KCNH8: variants seen among roughly 807,000 people sequenced by gnomAD.
KCNH8 encodes the protein voltage-gated delayed rectifier potassium channel KCNH8.
A neutral mutation model predicts 103.6 loss-of-function variants in KCNH8; 70 were observed. The observed-to-expected ratio is 0.68, with a 90% CI of 0.56 to 0.82. The LOEUF is 0.82. Among genes scored for constraint, KCNH8 ranks in the 40% least tolerant of loss-of-function variants. The probability of loss-of-function intolerance (pLI) is 0.00; values close to 1 mark genes in which losing one functional copy is unlikely to be tolerated. For synonymous variants in KCNH8, 498 were observed against 489.4 expected (o/e 1.02, Z -0.23); for missense variants, 1,217 against 1,329.9 (o/e 0.92, Z 1.32).
intron 7 of KCNH8, among the ~76,000 whole-genome samples, chr3:19,410,063 A>AATAT (rs2066753818): frequency 6.6e-6 from 1 of 152,186 alleles, no homozygotes; most frequent in South Asian, 2.1e-4. Flanking sequence ...TCAACTATAG[A>AATAT]ATATATGCTC....
Position 19,515,361 on chromosome 3 carries a change from A to G in KCNH8, c.2475A>G (p.Glu825=). 6.3e-7 allele frequency: 1 copy of G among 1,586,880 alleles called. No homozygotes were observed. Among genetic ancestry groups the G allele is most frequent in the Non-Finnish European group, 8.6e-7 (1 of 1,166,714 alleles). The change falls in exon 14 of 16, where the codon GAA becomes GAG. Residue 825 remains glutamate (E), a synonymous_variant. Transcript: ENST00000328405. ...DGIEDGNSSE[E]SQTFDFGSER... ...TTGAAGATGGAAACAGCAGTGAAGA[A>G]AGTCAGACTTTTGATTTTGGCTCTG... is the stretch of plus-strand genomic sequence containing the variant.
At chr3:19,381,564 T>G (rs2066288512) in intron 5 of KCNH8, among the ~76,000 whole-genome samples, 1 of 150,826 alleles carries the variant, frequency 6.6e-6, no homozygotes, top group Non-Finnish European at 1.5e-5. Context: ...GTGGGGGAGA[T>G]TTTCCTTAGA....
At chr3:19,383,388 T>C (rs571770607) in intron 5 of KCNH8, among the ~76,000 whole-genome samples, 1 of 152,250 alleles carries the variant, frequency 6.6e-6, no homozygotes, top group South Asian at 2.1e-4. Context: ...TAATTTTTTT[T>C]TTTTTGAGAC....
chr3:19,259,304 G>T (rs1263456553), intron 2 of KCNH8, among the ~76,000 whole-genome samples: 3 of 151,510 alleles, frequency 2.0e-5, no homozygotes, highest in Non-Finnish European at 4.4e-5. Flanking sequence ...ACTTCAAATA[G>T]AAGGCAAACA....
intron 11 of KCNH8, among the ~76,000 whole-genome samples, chr3:19,498,805 G>T (rs1257137008): frequency 6.6e-6 from 1 of 152,096 alleles, no homozygotes; most frequent in Non-Finnish European, 1.5e-5. Context: ...TAACAGACAG[G>T]ACCCTCAGCT....
intron 1 of KCNH8, among the ~76,000 whole-genome samples, chr3:19,232,024 C>T (rs1224600149): frequency 6.6e-6 from 1 of 152,158 alleles, no homozygotes; most frequent in African/African-American, 2.4e-5. Flanking sequence ...TGCTGAATTG[C>T]TTTCACAATC....
intron 7 of KCNH8, among the ~76,000 whole-genome samples, chr3:19,403,251 G>A (rs1000514366): frequency 1.3e-5 from 2 of 150,192 alleles, no homozygotes; most frequent in Admixed American, 6.7e-5. Flanking sequence ...CCTTTTATAC[G>A]ATAATTAACT....
intron 5 of KCNH8, among the ~76,000 whole-genome samples, chr3:19,367,508 C>G (rs1228836033): frequency 6.8e-6 from 1 of 147,252 alleles, no homozygotes; most frequent in Non-Finnish European, 1.5e-5. Flanking sequence ...TCTCAGAGAA[C>G]ATGGACCAGG....
chr3:19,391,962 A>G (rs7629231), intron 6 of KCNH8, among the ~76,000 whole-genome samples: 91,589 of 151,730 alleles, frequency 0.6, 28,112 homozygotes, highest in African/African-American at 0.7. Flanking sequence ...ATTGTTTTAA[A>G]TTGTTCATTA....
chr3:19,277,280 G>A (rs1478572228), intron 2 of KCNH8, among the ~76,000 whole-genome samples: 2 of 152,050 alleles, frequency 1.3e-5, no homozygotes, highest in Non-Finnish European at 2.9e-5. Context: ...TGGTAAAGAT[G>A]GGCTGTGCAT....
intron 5 of KCNH8, among the ~76,000 whole-genome samples, chr3:19,383,671 C>T (rs1335686226): frequency 6.6e-6 from 1 of 152,090 alleles, no homozygotes; most frequent in Non-Finnish European, 1.5e-5. Context: ...ATGCACCCAG[C>T]CAAGTGTTCA....
At position 19,513,130 on chromosome 3, in the gene KCNH8, C is replaced by T. The variant is rs746824894; in HGVS notation, c.2240C>T (p.Ala747Val). The T allele has an allele frequency of 1.2e-6, 2 of 1,613,920 alleles. No individual in the cohort carries two copies. The highest frequency in any genetic ancestry group is 1.7e-6 in the Non-Finnish European group (2 of 1,179,928). ...AACAAGAAGGTTGGAAGCAATAAAG[C>T]CTACCTGGGCTTAAGCTTAAAGCAA... ...SRNKKVGSNK[A>V]YLGLSLKQLA... is the part of the protein sequence containing the mutation. The change falls in exon 13 of 16, where the codon GCC becomes GTC. Residue 747 changes from alanine (A) to valine (V), a missense_variant. This residue lies in a region of KCNH8 where 558 missense variants were observed against 495.8 expected (regional missense o/e 1.13). Coordinates refer to ENST00000328405, the MANE Select transcript of KCNH8 (RefSeq NM_144633.3).
chr3:19,200,941 A>G (rs17005750), intron 1 of KCNH8, among the ~76,000 whole-genome samples: 2,965 of 152,106 alleles, frequency 0.019, 92 homozygotes, highest in African/African-American at 0.066. Flanking sequence ...TTAAAATTGT[A>G]GTATATACGG....
intron 8 of KCNH8, among the ~76,000 whole-genome samples, chr3:19,443,971 G>A (rs2067323576): frequency 6.6e-6 from 1 of 151,926 alleles, no homozygotes; most frequent in Non-Finnish European, 1.5e-5. Flanking sequence ...GTAACCTAAA[G>A]ACTCAATGCA....
intron 11 of KCNH8, among the ~76,000 whole-genome samples, chr3:19,481,264 C>G (rs1334054132): frequency 6.6e-6 from 1 of 151,998 alleles, no homozygotes; most frequent in Non-Finnish European, 1.5e-5. Context: ...TATTTATCAC[C>G]TAAATAATAT....
chr3:19,195,222 C>T (rs2063589224), intron 1 of KCNH8, among the ~76,000 whole-genome samples: 1 of 151,820 alleles, frequency 6.6e-6, no homozygotes, highest in African/African-American at 2.4e-5. Context: ...TGCCCTAACC[C>T]CTGTTCCAGT....
intron 1 of KCNH8, among the ~76,000 whole-genome samples, chr3:19,161,621 A>G (rs1330023306): frequency 6.6e-6 from 1 of 152,198 alleles, no homozygotes; most frequent in East Asian, 1.9e-4. Context: ...TCTGTAGGTG[A>G]ATTATATTTC....
chr3:19,154,567 C>G (rs1318992180), intron 1 of KCNH8, among the ~76,000 whole-genome samples: 1 of 152,168 alleles, frequency 6.6e-6, no homozygotes, highest in Non-Finnish European at 1.5e-5. Flanking sequence ...TTTACTATCT[C>G]TTCTAATAAT....
chr3:19,445,573 G>A (rs2067351485), intron 8 of KCNH8, among the ~76,000 whole-genome samples: 1 of 151,898 alleles, frequency 6.6e-6, no homozygotes, highest in Non-Finnish European at 1.5e-5. Flanking sequence ...CTAATAGTGA[G>A]CTAAGTTCTT....
Sources: allele counts gnomAD v4.1 joint callset (sites outside exome capture counted in the v4.1 genomes callset), GRCh38; gene constraint gnomAD v4.1.1; regional missense constraint gnomAD v4.1.1; transcripts MANE v1.5; gene names NCBI Gene and HGNC (gene_info 2026-07-23, HGNC 2026-07-21).